LPP: variants seen among roughly 807,000 people sequenced by gnomAD.
LPP encodes lipoma-preferred partner.
In LPP, 38 loss-of-function variants were observed where a neutral mutation model predicts 60.4. That is an observed-to-expected ratio of 0.63 (90% confidence interval 0.49 to 0.83). LPP has a LOEUF of 0.83. LPP is among the 40% of genes least tolerant of loss of function. LPP has a pLI of 0.00. For synonymous variants in LPP, 328 were observed against 290.8 expected, an observed-to-expected ratio of 1.13 and a Z score of -1.30; for missense variants, 902 against 783.6, an observed-to-expected ratio of 1.15 and a Z score of -1.80.
At chr3:188,325,261 G>A (rs1328262574) in intron 2 of LPP, among the ~76,000 whole-genome samples, 1 of 152,134 alleles carries the variant, frequency 6.6e-6, no homozygotes, top group African/African-American at 2.4e-5. Flanking sequence ...AATTACAGGT[G>A]TGAGCCACTG....
intron 4 of LPP, among the ~76,000 whole-genome samples, chr3:188,466,921 G>A (rs994877899): frequency 5.1e-5 from 3 of 58,584 alleles, no homozygotes; most frequent in East Asian, 4.9e-4. Context: ...ACCTCCCCCC[G>A]CCCCCCCGCC....
chr3:188,245,260 C>T (rs1033460690), intron 2 of LPP, among the ~76,000 whole-genome samples: 13 of 152,086 alleles, frequency 8.5e-5, no homozygotes, highest in Non-Finnish European at 1.6e-4. Context: ...TTACAGGCAC[C>T]CGCCACTACG....
At chr3:188,219,029 G>A (rs975679057) in intron 1 of LPP, among the ~76,000 whole-genome samples, 5 of 151,412 alleles carry the variant, frequency 3.3e-5, no homozygotes, top group African/African-American at 4.9e-5. Flanking sequence ...AGGAAGATGG[G>A]GCAGTTTTTA....
At chr3:188,243,435 C>G (rs73059636) in intron 2 of LPP, among the ~76,000 whole-genome samples, 2,585 of 152,248 alleles carry the variant, frequency 0.017, 67 homozygotes, top group African/African-American at 0.056. Flanking sequence ...AAGTAGAGAA[C>G]AAACCTCCGG....
intron 8 of LPP, chr3:188,710,591 G>A (rs2149724177): frequency 6.6e-6 from 1 of 152,208 alleles, no homozygotes; most frequent in East Asian, 1.9e-4. Flanking sequence ...TACACAAAAA[G>A]TTTATTAATG....
intron 6 of LPP, among the ~76,000 whole-genome samples, chr3:188,556,843 A>C (rs1400536690): frequency 6.6e-6 from 1 of 152,028 alleles, no homozygotes; most frequent in Admixed American, 6.6e-5. Context: ...CCAATACTTA[A>C]TGTAGAAGTG....
intron 3 of LPP, among the ~76,000 whole-genome samples, chr3:188,368,765 A>G (rs1220349064): frequency 6.6e-6 from 1 of 150,852 alleles, no homozygotes; most frequent in African/African-American, 2.4e-5. Context: ...GAAAGCCATG[A>G]TTAGGAACAT....
At chr3:188,470,659 G>A (rs1054508987) in intron 4 of LPP, among the ~76,000 whole-genome samples, 11 of 152,160 alleles carry the variant, frequency 7.2e-5, no homozygotes, top group African/African-American at 2.2e-4. Flanking sequence ...AGATGCTTTC[G>A]TCTGGTGGCA....
At chr3:188,291,422 G>A (rs1041750593) in intron 2 of LPP, among the ~76,000 whole-genome samples, 20 of 152,036 alleles carry the variant, frequency 1.3e-4, no homozygotes, top group African/African-American at 4.1e-4. Flanking sequence ...GGTGGATCAC[G>A]AGGTCAGGAG....
Position 188,609,899 on chromosome 3 carries a change from C to T in LPP, c.1113+55C>T. 1 of 1,515,156 alleles carries T rather than the reference C, an allele frequency of 6.6e-7. No individual in the cohort carries two copies. The highest frequency in any genetic ancestry group is 8.9e-7 in the Non-Finnish European group (1 of 1,126,872). The allele number at this position is 1,515,156 out of a possible 1,614,324, so 93.9% of individuals were successfully genotyped here. The stretch of plus-strand genomic sequence containing the variant: ...ATACAGGGGTGCCTATCTTAGTCTG[C>T]CTTCCCCAGGAAGCGAAGCCTAAGG... On this transcript the variant is annotated intron_variant, in intron 7 of 11. Coordinates refer to ENST00000617246, the MANE Select transcript of LPP (RefSeq NM_001375462.1). The surrounding 1 kb of genome is among the most constrained non-coding windows in gnomAD (Gnocchi z 6.9).
intron 4 of LPP, among the ~76,000 whole-genome samples, chr3:188,467,841 C>A (rs772293698): frequency 6.6e-6 from 1 of 152,080 alleles, no homozygotes; most frequent in Non-Finnish European, 1.5e-5. Flanking sequence ...AGGAATGCTG[C>A]CCTGCCAACA....
chr3:188,401,672 T>G (rs1444064511), intron 3 of LPP, among the ~76,000 whole-genome samples: 1 of 152,176 alleles, frequency 6.6e-6, no homozygotes, highest in Non-Finnish European at 1.5e-5. Flanking sequence ...TAACAGACAT[T>G]TTTATTGAGT....
At position 188,882,774 on chromosome 3, in the gene LPP, T is replaced by C. The variant is rs1770190699; in HGVS notation, c.*8295T>C. 5.4e-6 allele frequency: 1 copy of C among 185,978 alleles called. No homozygotes were observed. Among genetic ancestry groups the C allele is most frequent in the African/African-American group, 2.3e-5 (1 of 42,658 alleles). 11.5% of individuals were successfully genotyped at this position (185,978 alleles called of 1,614,324 possible). On this transcript the variant is annotated 3_prime_UTR_variant, in exon 12 of 12. Transcript: ENST00000617246. ...TTTCTTTTGAGACGGAGTCTTGCTCTGTCGCCCAGGCTGGAGTGCAGTGGC... is the reference window on the plus strand; with the variant it reads ...TTTCTTTTGAGACGGAGTCTTGCTCCGTCGCCCAGGCTGGAGTGCAGTGGC...
chr3:188,223,420 T>A (rs1716565658), intron 1 of LPP, among the ~76,000 whole-genome samples: 1 of 152,234 alleles, frequency 6.6e-6, no homozygotes. Context: ...AGAAGCACTT[T>A]AACAACTGGT....
chr3:188,697,975 A>G (rs185558588), intron 7 of LPP, among the ~76,000 whole-genome samples: 1 of 152,366 alleles, frequency 6.6e-6, no homozygotes, highest in East Asian at 1.9e-4. Flanking sequence ...ACAGGAAATT[A>G]GAACCAGTCA....
intron 4 of LPP, among the ~76,000 whole-genome samples, chr3:188,473,123 A>T (rs1802274638): frequency 6.6e-6 from 1 of 152,208 alleles, no homozygotes; most frequent in African/African-American, 2.4e-5. Context: ...AATTTAAAAC[A>T]TAAATTTTAA....
intron 7 of LPP, among the ~76,000 whole-genome samples, chr3:188,654,522 T>C (rs1232186484): frequency 6.6e-6 from 1 of 152,200 alleles, no homozygotes; most frequent in Non-Finnish European, 1.5e-5. Flanking sequence ...ATTAACTCTT[T>C]TTCTCTGTGT....
At chr3:188,401,385 C>G (rs1383398073) in intron 3 of LPP, among the ~76,000 whole-genome samples, 2 of 152,176 alleles carry the variant, frequency 1.3e-5, no homozygotes, top group Non-Finnish European at 1.5e-5. Flanking sequence ...TACCCAAGCT[C>G]ACAGTATTAT....
chr3:188,327,956 T>C (rs1235850036), intron 2 of LPP, among the ~76,000 whole-genome samples: 4 of 152,116 alleles, frequency 2.6e-5, no homozygotes, highest in Admixed American at 2.6e-4. Flanking sequence ...GTATAAAAAA[T>C]AAATATATTT....
Sources: gnomAD v4.1 joint callset for allele counts (sites outside exome capture counted in the v4.1 genomes callset) on GRCh38, gnomAD v4.1.1 for gene constraint, Gnocchi (gnomAD v3.1) non-coding constraint, MANE v1.5 for transcripts, NCBI Gene and HGNC (gene_info 2026-07-23, HGNC 2026-07-21) for gene names.